UNC13C: variants seen among roughly 807,000 people sequenced by gnomAD.
UNC13C encodes the protein protein unc-13 homolog C.
UNC13C carries 174 observed loss-of-function variants against 245.4 expected under a neutral mutation model. The ratio of observed to expected loss-of-function variants is 0.71; its 90% CI spans 0.63 to 0.80. The LOEUF is 0.80. Ranked by LOEUF, UNC13C falls within the 30% of genes least tolerant of loss-of-function variation. UNC13C has a pLI of 0.00. For synonymous variants in UNC13C, 992 were observed against 895.1 expected (o/e 1.11, Z -1.93); for missense variants, 2,829 against 2,602.9 (o/e 1.09, Z -1.89).
At chr15:54,342,070 G>T (rs970672723) in intron 17 of UNC13C, among the ~76,000 whole-genome samples, 1 of 151,962 alleles carries the variant, frequency 6.6e-6, no homozygotes, top group Non-Finnish European at 1.5e-5. Flanking sequence ...TCTAATATTG[G>T]TGTGTTTGAA....
intron 4 of UNC13C, among the ~76,000 whole-genome samples, chr15:54,158,761 T>G (rs2032856487): frequency 6.6e-6 from 1 of 151,972 alleles, no homozygotes; most frequent in Admixed American, 6.6e-5. Context: ...GTGATCCTCC[T>G]ACCTCAGCCT....
Position 54,345,932 on chromosome 15 carries a change from C to T in UNC13C, c.4713+7443C>T, listed in dbSNP as rs77563029. 7.1e-3 allele frequency among the ~76,000 whole-genome samples: 1,077 copies of T among 152,242 alleles called. 9 individuals are homozygous for T. Among genetic ancestry groups the T allele is most frequent in the African/African-American group, 0.025 (1,025 of 41,552 alleles). ...CTGCCTTATATTTACCTGCCTGGAG[C>T]GGGCATCCCTTCTCCAAACTTCCCT... On this transcript the variant is annotated intron_variant, in intron 17 of 32. Coordinates refer to ENST00000260323, the MANE Select transcript of UNC13C (RefSeq NM_001080534.3).
At chr15:54,370,307 A>G (rs2039460828) in intron 17 of UNC13C, among the ~76,000 whole-genome samples, 1 of 152,114 alleles carries the variant, frequency 6.6e-6, no homozygotes, top group Non-Finnish European at 1.5e-5. Context: ...AGGCCCTAGG[A>G]ACTGTCTATT....
chr15:54,604,217 A>C (rs536120712), intron 30 of UNC13C, among the ~76,000 whole-genome samples: 1 of 152,290 alleles, frequency 6.6e-6, no homozygotes, highest in South Asian at 2.1e-4. Context: ...GTCTGATGAC[A>C]CTGTCACATG....
intron 18 of UNC13C, among the ~76,000 whole-genome samples, chr15:54,404,522 T>C (rs2040254965): frequency 6.6e-6 from 1 of 152,116 alleles, no homozygotes; most frequent in Admixed American, 6.6e-5. Flanking sequence ...CTCTTTATGA[T>C]GGTAGATTAA....
intron 2 of UNC13C, among the ~76,000 whole-genome samples, chr15:54,088,747 A>G (rs960646353): frequency 4.6e-5 from 7 of 152,208 alleles, no homozygotes; most frequent in African/African-American, 1.4e-4. Flanking sequence ...AGTGGAGACA[A>G]TGTGATGTAC....
chr15:54,355,860 C>T (rs2039083447), intron 17 of UNC13C, among the ~76,000 whole-genome samples: 1 of 152,008 alleles, frequency 6.6e-6, no homozygotes, highest in African/African-American at 2.4e-5. Context: ...TGCATTCATA[C>T]CTATGTATAT....
chr15:54,036,491 C>T (rs1896582949), intron 2 of UNC13C, among the ~76,000 whole-genome samples: 1 of 152,138 alleles, frequency 6.6e-6, no homozygotes, highest in Admixed American at 6.5e-5. Flanking sequence ...AAAAGTCGTT[C>T]TGTCTCAGTT....
At chr15:54,624,964 C>A (rs1901042788) in intron 32 of UNC13C, among the ~76,000 whole-genome samples, 1 of 151,996 alleles carries the variant, frequency 6.6e-6, no homozygotes. Flanking sequence ...AGAGTCATTA[C>A]TAAAATTAGG....
chr15:54,035,142 A>T (rs1019457465), intron 2 of UNC13C, among the ~76,000 whole-genome samples: 1 of 152,102 alleles, frequency 6.6e-6, no homozygotes, highest in African/African-American at 2.4e-5. Context: ...CTTATGAAAA[A>T]CAGTATACAA....
intron 17 of UNC13C, among the ~76,000 whole-genome samples, chr15:54,351,034 A>G (rs2038971207): frequency 6.6e-6 from 1 of 152,206 alleles, no homozygotes; most frequent in African/African-American, 2.4e-5. Context: ...TACCCAGGAA[A>G]TTGATGAGTC....
chr15:54,429,209 T>G (rs1446111894), intron 19 of UNC13C, among the ~76,000 whole-genome samples: 1 of 151,762 alleles, frequency 6.6e-6, no homozygotes, highest in Non-Finnish European at 1.5e-5. Flanking sequence ...ACTGTAGACT[T>G]TAAATGGGTA....
At chr15:54,481,863 G>A (rs1482601644) in intron 19 of UNC13C, among the ~76,000 whole-genome samples, 1 of 152,144 alleles carries the variant, frequency 6.6e-6, no homozygotes, top group Non-Finnish European at 1.5e-5. Flanking sequence ...GATGACCTGT[G>A]TGGGTATAGG....
Position 54,553,104 on chromosome 15 carries a change from ATTGTATT to A in UNC13C, c.5878-2327_5878-2321del, listed in dbSNP as rs1896913674. On this transcript the variant is annotated intron_variant, in intron 28 of 32. Coordinates refer to ENST00000260323, the MANE Select transcript of UNC13C (RefSeq NM_001080534.3). ...TTCTATATTACAATATATAATATAT[ATTGTATT>A]CTATATTACAATATATAATATATAG... Among the ~76,000 whole-genome samples the A allele has an allele frequency of 3.8e-5, 3 of 78,120 alleles. 1 individual carries two copies. Among genetic ancestry groups the A allele is most frequent in the Non-Finnish European group, 7.0e-5 (3 of 42,658 alleles). 51.2% of individuals were successfully genotyped at this position (78,120 alleles called of 152,430 possible). A position where few individuals can be genotyped will look rare whatever the true frequency, so the allele number is the denominator to read the frequency against.
the UNC13C span, among the ~76,000 whole-genome samples, chr15:53,861,681 T>TGAG: frequency 6.6e-6 from 1 of 152,130 alleles, no homozygotes; most frequent in African/African-American, 2.4e-5. Context: ...AAGAAAGACA[T>TGAG]GAAACACAAT....
intron 2 of UNC13C, among the ~76,000 whole-genome samples, chr15:54,097,451 C>T (rs929685158): frequency 3.3e-5 from 5 of 152,018 alleles, no homozygotes; most frequent in East Asian, 1.9e-4. Flanking sequence ...GGAGATTATG[C>T]GGTACTGATG....
intron 2 of UNC13C, among the ~76,000 whole-genome samples, chr15:54,088,803 A>G (rs1168212822): frequency 6.6e-6 from 1 of 152,208 alleles, no homozygotes; most frequent in African/African-American, 2.4e-5. Context: ...GGGGATTTAA[A>G]CATTTTCTGC....
At chr15:53,863,970 C>T in the UNC13C span, among the ~76,000 whole-genome samples, 1 of 152,160 alleles carries the variant, frequency 6.6e-6, no homozygotes, top group Non-Finnish European at 1.5e-5. Context: ...ACTTTGAGGT[C>T]CATGTTCCAT....
chr15:54,238,718 C>G (rs550011102), intron 7 of UNC13C, among the ~76,000 whole-genome samples: 5 of 152,192 alleles, frequency 3.3e-5, no homozygotes, highest in African/African-American at 9.6e-5. Context: ...GTTTGTTGTT[C>G]TTGTTGAATG....
Sources: allele counts gnomAD v4.1 joint callset (sites outside exome capture counted in the v4.1 genomes callset), GRCh38; gene constraint gnomAD v4.1.1; transcripts MANE v1.5; gene names NCBI Gene and HGNC (gene_info 2026-07-23, HGNC 2026-07-21).